Variants in C1QTNF3 observed in about 807,000 individuals in gnomAD.
The protein encoded by C1QTNF3 is complement C1q tumor necrosis factor-related protein 3.
Under a neutral mutation model 32.6 loss-of-function variants are expected in C1QTNF3, and 26 were observed. The ratio of observed to expected loss-of-function variants is 0.80; its 90% CI spans 0.58 to 1.11. C1QTNF3 has a LOEUF of 1.11. Among genes scored for constraint, C1QTNF3 ranks in the 50% least tolerant of loss-of-function variants. C1QTNF3 has a pLI of 0.00. For synonymous variants in C1QTNF3, 155 were observed against 146.0 expected (o/e 1.06, Z -0.44); for missense variants, 362 against 398.2 (o/e 0.91, Z 0.77).
the C1QTNF3 span, among the ~76,000 whole-genome samples, chr5:34,147,763 C>G: frequency 6.6e-6 from 1 of 152,146 alleles, no homozygotes; most frequent in Non-Finnish European, 1.5e-5. Flanking sequence ...ACCTCAGCAT[C>G]ACACAACAGA....
Position 34,019,495 on chromosome 5 carries a change from A to G in C1QTNF3, c.*1088T>C, listed in dbSNP as rs543820480. ...TTATTTGTGAGCCCTCTAAACATCA[A>G]TGTCTTAAAGGGTTGACATTATAAC... On this transcript the variant is annotated 3_prime_UTR_variant, in exon 6 of 6. Transcript: ENST00000382065. The G allele has an allele frequency of 1.9e-4, 29 of 152,256 alleles. No individual in the cohort carries two copies. Among genetic ancestry groups the G allele is most frequent in the Non-Finnish European group, 3.8e-4 (26 of 68,042 alleles). 9.4% of individuals were successfully genotyped at this position (152,256 alleles called of 1,614,324 possible).
the C1QTNF3 span, among the ~76,000 whole-genome samples, chr5:34,070,368 T>C: frequency 6.6e-6 from 1 of 152,226 alleles, no homozygotes; most frequent in African/African-American, 2.4e-5. Context: ...AGTTTTGCTT[T>C]ATGTTACAAA....
the C1QTNF3 span, chr5:34,167,857 G>A: frequency 6.6e-6 from 1 of 152,046 alleles, no homozygotes; most frequent in African/African-American, 2.4e-5. Flanking sequence ...CCTTGTTTCA[G>A]TTTGGTTTTC....
chr5:34,043,435 C>G, upstream of C1QTNF3: 1 of 369,988 alleles, frequency 2.7e-6, no homozygotes, highest in Non-Finnish European at 5.0e-6. Context: ...AAAACATACA[C>G]AACCAGCTGG....
the C1QTNF3 span, among the ~76,000 whole-genome samples, chr5:34,089,607 G>C: frequency 6.6e-6 from 1 of 152,316 alleles, no homozygotes; most frequent in Admixed American, 6.5e-5. Context: ...CCGTGAGAAA[G>C]AAATTTGTTT....
the C1QTNF3 span, among the ~76,000 whole-genome samples, chr5:34,114,657 C>T: frequency 2.6e-4 from 39 of 151,902 alleles, no homozygotes; most frequent in South Asian, 7.9e-3. Flanking sequence ...CCTTTTTGCT[C>T]AATTGCACAC....
At chr5:34,244,574 A>G in the C1QTNF3 span, 2 of 152,104 alleles carry the variant, frequency 1.3e-5, no homozygotes, top group Non-Finnish European at 2.9e-5. Context: ...AGTCCCCACC[A>G]GATTAGCTAG....
the C1QTNF3 span, among the ~76,000 whole-genome samples, chr5:34,064,495 GAACC>G: frequency 6.6e-6 from 1 of 152,172 alleles, no homozygotes; most frequent in Non-Finnish European, 1.5e-5. Flanking sequence ...GAGAACCATG[GAACC>G]CAGCGACCAG....
chr5:34,049,813 T>C, the C1QTNF3 span, among the ~76,000 whole-genome samples: 1 of 152,206 alleles, frequency 6.6e-6, no homozygotes, highest in Non-Finnish European at 1.5e-5. Context: ...CTCTTCAGGG[T>C]CCCTCAGTCT....
the C1QTNF3 span, among the ~76,000 whole-genome samples, chr5:34,079,010 G>A: frequency 6.6e-6 from 1 of 151,396 alleles, no homozygotes; most frequent in African/African-American, 2.5e-5. Flanking sequence ...ACAACACTTG[G>A]TTTTCTGGCC....
the C1QTNF3 span, among the ~76,000 whole-genome samples, chr5:34,077,939 T>C: frequency 6.6e-6 from 1 of 151,692 alleles, no homozygotes; most frequent in Admixed American, 6.6e-5. Context: ...AATACAAAAG[T>C]GCAAAATAGA....
At chr5:34,124,693 T>C in the C1QTNF3 span, among the ~76,000 whole-genome samples, 45 of 152,348 alleles carry the variant, frequency 3.0e-4, no homozygotes, top group African/African-American at 9.4e-4. Context: ...TGAGGTCACA[T>C]ATCCAAATTA....
At chr5:34,036,953 A>G (rs927625898) in intron 1 of C1QTNF3, among the ~76,000 whole-genome samples, 23 of 145,982 alleles carry the variant, frequency 1.6e-4, no homozygotes, top group African/African-American at 5.4e-4. Context: ...ACACAGTCTC[A>G]AAAAAAAAAA....
chr5:34,135,401 C>T, the C1QTNF3 span, among the ~76,000 whole-genome samples: 2 of 152,006 alleles, frequency 1.3e-5, no homozygotes, highest in Admixed American at 6.6e-5. Context: ...GCGTCTCTGC[C>T]AGGCTTTGGT....
intron 1 of C1QTNF3, 87 bp downstream of exon 1, chr5:34,042,736 C>T: frequency 7.4e-7 from 1 of 1,343,598 alleles, no homozygotes; most frequent in East Asian, 2.3e-5. Context: ...TTCTAAGAAT[C>T]TTAGCCAAAA....
the C1QTNF3 span, among the ~76,000 whole-genome samples, chr5:34,145,678 CAA>C: frequency 1.9e-3 from 181 of 96,880 alleles, no homozygotes; most frequent in Non-Finnish European, 2.6e-3. Flanking sequence ...AGAGACACAG[CAA>C]AAAAAAAAAA....
chr5:34,241,968 G>A, the C1QTNF3 span, among the ~76,000 whole-genome samples: 1 of 145,168 alleles, frequency 6.9e-6, no homozygotes, highest in African/African-American at 2.5e-5. Flanking sequence ...AAGGAAGGAA[G>A]GAAGGAAGGA....
chr5:34,216,797 A>T, the C1QTNF3 span, among the ~76,000 whole-genome samples: 1 of 152,212 alleles, frequency 6.6e-6, no homozygotes, highest in South Asian at 2.1e-4. Flanking sequence ...ATGTCATCTA[A>T]GCAGGAATGA....
intron 5 of C1QTNF3, among the ~76,000 whole-genome samples, chr5:34,023,484 C>T (rs1754392615): frequency 6.6e-6 from 1 of 152,152 alleles, no homozygotes; most frequent in Non-Finnish European, 1.5e-5. Flanking sequence ...ATGATAACAG[C>T]CACAAAGTTT....
Sources: allele counts gnomAD v4.1 joint callset (sites outside exome capture counted in the v4.1 genomes callset), GRCh38; gene constraint gnomAD v4.1.1; transcripts MANE v1.5; gene names NCBI Gene and HGNC (gene_info 2026-07-23, HGNC 2026-07-21).